HCN1: variants seen among roughly 807,000 people sequenced by gnomAD.
The protein encoded by HCN1 is potassium/sodium hyperpolarization-activated cyclic nucleotide-gated channel 1.
In HCN1, 13 loss-of-function variants were observed where a neutral mutation model predicts 78.9. The observed-to-expected ratio is 0.16, with a 90% CI of 0.11 to 0.26. HCN1 has a LOEUF of 0.26. Among genes scored for constraint, HCN1 ranks in the 10% least tolerant of loss-of-function variants. HCN1 has a pLI of 1.00. For missense variants in HCN1, 810 were observed against 1,154.3 expected (o/e 0.70, Z 4.32); for synonymous variants, 552 against 455.5 (o/e 1.21, Z -2.70).
intron 4 of HCN1, among the ~76,000 whole-genome samples, chr5:45,375,976 C>T (rs1471748442): frequency 5.4e-5 from 6 of 112,124 alleles, no homozygotes; most frequent in South Asian, 2.6e-4. Flanking sequence ...TATTTTATCA[C>T]ATATATTATA....
chr5:45,445,781 C>A (rs1740780690), intron 3 of HCN1, among the ~76,000 whole-genome samples: 2 of 152,198 alleles, frequency 1.3e-5, no homozygotes, highest in Non-Finnish European at 2.9e-5. Context: ...CAAACAGGGT[C>A]TGGAGTGGCC....
At chr5:45,310,323 A>T (rs1445171652) in intron 5 of HCN1, among the ~76,000 whole-genome samples, 7 of 152,172 alleles carry the variant, frequency 4.6e-5, no homozygotes, top group East Asian at 3.9e-4. Context: ...ACAAAAAAAA[A>T]TACAAACAAC....
At chr5:45,565,052 T>C (rs968133156) in intron 2 of HCN1, among the ~76,000 whole-genome samples, 2 of 152,102 alleles carry the variant, frequency 1.3e-5, no homozygotes, top group African/African-American at 4.8e-5. Context: ...GAAGAAGATA[T>C]CAGAGAAAAA....
intron 2 of HCN1, among the ~76,000 whole-genome samples, chr5:45,534,831 C>T (rs2111811733): frequency 6.6e-6 from 1 of 152,242 alleles, no homozygotes; most frequent in South Asian, 2.1e-4. Flanking sequence ...AGTTTCTTTT[C>T]AGAGCAGAGG....
intron 6 of HCN1, 118 bp downstream of exon 6, chr5:45,303,481 T>C: frequency 1.0e-6 from 1 of 961,276 alleles, no homozygotes; most frequent in Non-Finnish European, 1.6e-6. Context: ...TTTATCAGAA[T>C]TCACATACAG....
At position 45,653,001 on chromosome 5, in the gene HCN1, T is replaced by C. The variant is rs185963803; in HGVS notation, c.426-7393A>G. ...GCCCTAGTAAATTGCCTCCTATTTATATCCACTAGACTTTCCTATTGCTTA... is the reference window on the plus strand; with the variant it reads ...GCCCTAGTAAATTGCCTCCTATTTACATCCACTAGACTTTCCTATTGCTTA... On this transcript the variant is annotated intron_variant, in intron 1 of 7. Coordinates refer to ENST00000303230, the MANE Select transcript of HCN1 (RefSeq NM_021072.4). Among the ~76,000 whole-genome samples the C allele has an allele frequency of 9.2e-5, 14 of 152,218 alleles. No homozygotes were observed. In the East Asian group the frequency reaches 2.5e-3, roughly 27 times the overall value.
chr5:45,611,263 C>CT (rs1561219449), intron 2 of HCN1, among the ~76,000 whole-genome samples: 4 of 132,066 alleles, frequency 3.0e-5, no homozygotes, highest in Admixed American at 7.7e-5. Context: ...TTTTTTTTAT[C>CT]TTTTTCTTTT....
At chr5:45,390,154 C>A (rs1369161718) in intron 4 of HCN1, among the ~76,000 whole-genome samples, 1 of 152,136 alleles carries the variant, frequency 6.6e-6, no homozygotes, top group Non-Finnish European at 1.5e-5. Context: ...ACTAATCCTG[C>A]CTGCTGATTA....
At chr5:45,535,714 T>C (rs1330971053) in intron 2 of HCN1, among the ~76,000 whole-genome samples, 1 of 151,906 alleles carries the variant, frequency 6.6e-6, no homozygotes, top group African/African-American at 2.4e-5. Context: ...AAATAAATAT[T>C]TTTAATACCA....
At chr5:45,416,782 T>A (rs1203749709) in intron 3 of HCN1, among the ~76,000 whole-genome samples, 1 of 151,876 alleles carries the variant, frequency 6.6e-6, no homozygotes, top group African/African-American at 2.4e-5. Context: ...AGGTAGAAAA[T>A]AAAAGTGGCA....
intron 5 of HCN1, among the ~76,000 whole-genome samples, chr5:45,324,323 C>A (rs1044041453): frequency 2.0e-5 from 3 of 151,844 alleles, no homozygotes; most frequent in Non-Finnish European, 4.4e-5. Context: ...AAAACAACCC[C>A]ATCAAAAAGT....
intron 2 of HCN1, among the ~76,000 whole-genome samples, chr5:45,635,006 T>C (rs1745333071): frequency 6.6e-6 from 1 of 152,110 alleles, no homozygotes; most frequent in Non-Finnish European, 1.5e-5. Flanking sequence ...TAGTTATAGT[T>C]CCTGGATTCT....
intron 3 of HCN1, among the ~76,000 whole-genome samples, chr5:45,431,862 T>A (rs771986741): frequency 6.6e-6 from 1 of 152,204 alleles, no homozygotes; most frequent in African/African-American, 2.4e-5. Flanking sequence ...TGAGGTCGGA[T>A]AACATGATGC....
intron 1 of HCN1, among the ~76,000 whole-genome samples, chr5:45,671,014 A>G (rs1463430367): frequency 1.3e-5 from 2 of 151,816 alleles, no homozygotes; most frequent in African/African-American, 4.8e-5. Context: ...TATTTTTAAT[A>G]TAACACCAAG....
At chr5:45,353,416 G>A (rs983922184) in intron 4 of HCN1, among the ~76,000 whole-genome samples, 170 bp from the exon 5 acceptor site, 1 of 151,912 alleles carries the variant, frequency 6.6e-6, no homozygotes, top group Non-Finnish European at 1.5e-5. Context: ...CCTATTTTGT[G>A]TTACATAATG....
chr5:45,312,517 G>A (rs1157004950), intron 5 of HCN1, among the ~76,000 whole-genome samples: 2 of 152,254 alleles, frequency 1.3e-5, no homozygotes, highest in South Asian at 2.1e-4. Flanking sequence ...CAGACAGTGG[G>A]TGCAGGACAG....
chr5:45,541,798 G>T (rs902596114), intron 2 of HCN1, among the ~76,000 whole-genome samples: 6 of 152,060 alleles, frequency 3.9e-5, no homozygotes, highest in African/African-American at 1.4e-4. Context: ...AAAAGAAAAA[G>T]TATAGAGAAT....
chr5:45,454,395 T>C (rs781328479), intron 3 of HCN1, among the ~76,000 whole-genome samples: 1 of 151,582 alleles, frequency 6.6e-6, no homozygotes, highest in Non-Finnish European at 1.5e-5. Flanking sequence ...TTTATTATTA[T>C]AACTCATAGG....
intron 4 of HCN1, among the ~76,000 whole-genome samples, chr5:45,361,875 G>GA (rs1423046556): frequency 6.6e-6 from 1 of 151,792 alleles, no homozygotes; most frequent in African/African-American, 2.4e-5. Context: ...GCATGTAATT[G>GA]AAAAAAAGTG....
Sources: allele counts gnomAD v4.1 joint callset (sites outside exome capture counted in the v4.1 genomes callset), GRCh38; gene constraint gnomAD v4.1.1; transcripts MANE v1.5; gene names NCBI Gene and HGNC (gene_info 2026-07-23, HGNC 2026-07-21).